Variants in WDR27 observed in about 807,000 individuals in gnomAD.
WDR27 encodes the protein WD repeat domain 27, also known as WD repeat-containing protein 27.
WDR27 carries 100 observed loss-of-function variants against 114.4 expected under a neutral mutation model. The observed-to-expected ratio is 0.87, with a 90% confidence interval of 0.74 to 1.03. The LOEUF (loss-of-function observed/expected upper bound fraction) is 1.03, where lower values mean the gene tolerates loss of function less well. Ranked by LOEUF, WDR27 falls within the 50% of genes least tolerant of loss-of-function variation. The pLI, the probability that WDR27 is intolerant of heterozygous loss-of-function variation, is 0.00. For synonymous variants in WDR27, 449 were observed against 423.1 expected, an observed-to-expected ratio of 1.06 and a Z score of -0.75; for missense variants, 1,129 against 1,092.9, an observed-to-expected ratio of 1.03 and a Z score of -0.47.
chr6:169,544,426 C>CTTTTTTT (rs201281369), intron 25 of WDR27, among the ~76,000 whole-genome samples: 4 of 140,874 alleles, frequency 2.8e-5, no homozygotes, highest in African/African-American at 5.2e-5. Context: ...ATTTCTTTTC[C>CTTTTTTT]TTTTTTTTTT....
At chr6:169,632,055 G>C (rs1479918377) in intron 21 of WDR27, among the ~76,000 whole-genome samples, 1 of 151,958 alleles carries the variant, frequency 6.6e-6, no homozygotes, top group African/African-American at 2.4e-5. Context: ...AGGTGTGGTG[G>C]CTCATGCCTG....
At position 169,612,242 on chromosome 6, in the gene WDR27, AC is replaced by A. The variant is rs576801774; in HGVS notation, c.2321+1316del. 5.4e-3 allele frequency among the ~76,000 whole-genome samples: 820 copies of A among 151,264 alleles called. 3 individuals are homozygous for A. Among genetic ancestry groups the A allele is most frequent in the Non-Finnish European group, 8.5e-3 (575 of 67,902 alleles). ...GTCAGGAGATCGAGACCACGGTGAG[AC>A]CCCATCTCTACTAAAAATATAAAAA... On this transcript the variant is annotated intron_variant, in intron 22 of 25. Coordinates refer to ENST00000448612, the MANE Select transcript of WDR27 (RefSeq NM_182552.5).
rs115160060 is a variant in WDR27, at chr6:169,487,647, C to T, written c.2646-30013G>A. Among the ~76,000 whole-genome samples, 692 of 152,252 alleles carry T rather than the reference C, an allele frequency of 4.5e-3. 7 individuals carry two copies. The highest frequency in any genetic ancestry group is 0.016 in the African/African-American group (656 of 41,540). On this transcript the variant is annotated intron_variant, in intron 25 of 25. Coordinates refer to ENST00000448612, the MANE Select transcript of WDR27 (RefSeq NM_182552.5). Reference sequence around the variant, plus strand: ...TTTCCAATGTATTATTTTGCCTGCACGAATATGGCCAAGATAAGACTTTTT... The same window carrying T: ...TTTCCAATGTATTATTTTGCCTGCATGAATATGGCCAAGATAAGACTTTTT...
At chr6:169,452,703 CAG>C (rs1784206846), downstream of WDR27, among the ~76,000 whole-genome samples, 1 of 152,268 alleles carries the variant, frequency 6.6e-6, no homozygotes, top group Non-Finnish European at 1.5e-5. Flanking sequence ...GACCCAGGAT[CAG>C]CACCACGTTC....
At chr6:169,695,754 A>C (rs908024111) in intron 1 of WDR27, among the ~76,000 whole-genome samples, 1 of 152,214 alleles carries the variant, frequency 6.6e-6, no homozygotes, top group Non-Finnish European at 1.5e-5. Context: ...TGAGGTTACT[A>C]ATCAGATGGG....
intron 25 of WDR27, among the ~76,000 whole-genome samples, chr6:169,509,941 A>AT (rs1792581187): frequency 6.6e-6 from 1 of 152,142 alleles, no homozygotes; most frequent in South Asian, 2.1e-4. Context: ...CAAGAAAGAA[A>AT]CAAACAACCC....
chr6:169,666,798 A>G (rs1452622069), intron 6 of WDR27: 2 of 1,023,022 alleles, frequency 2.0e-6, no homozygotes, highest in Non-Finnish European at 2.3e-6. Context: ...GGCCCTACCA[A>G]CACCGCTGGT....
chr6:169,559,378 ATTAACT>A (rs1799354122), intron 25 of WDR27: 1 of 150,862 alleles, frequency 6.6e-6, no homozygotes, highest in Non-Finnish European at 1.5e-5. Context: ...TAGGCATGAA[ATTAACT>A]TTAATGATGT....
At chr6:169,548,375 A>C (rs1797717418) in intron 25 of WDR27, among the ~76,000 whole-genome samples, 1 of 152,176 alleles carries the variant, frequency 6.6e-6, no homozygotes, top group Non-Finnish European at 1.5e-5. Context: ...ATAAACAATA[A>C]TTTATTGTAT....
At chr6:169,638,802 C>CACTGTGGCGAGGAGAA in intron 17 of WDR27, 142 bp from the exon 18 acceptor site, 1 of 1,002,710 alleles carries the variant, frequency 1.0e-6, no homozygotes, top group Non-Finnish European at 1.4e-6. Context: ...GGCTTCTCCT[C>CACTGTGGCGAGGAGAA]GCCACAGTGA....
intron 23 of WDR27, among the ~76,000 whole-genome samples, chr6:169,596,849 T>C (rs1046052111): frequency 8.5e-5 from 13 of 152,144 alleles, no homozygotes; most frequent in African/African-American, 3.1e-4. Flanking sequence ...TGATCATCAA[T>C]AATCTGTTTT....
At chr6:169,599,584 T>A (rs9477995) in intron 23 of WDR27, among the ~76,000 whole-genome samples, 1 of 152,232 alleles carries the variant, frequency 6.6e-6, no homozygotes, top group South Asian at 2.1e-4. Context: ...GTAGTTTGTA[T>A]TTCTGTGGGA....
chr6:169,473,515 C>A (rs1252024275), intron 25 of WDR27, among the ~76,000 whole-genome samples: 1 of 152,056 alleles, frequency 6.6e-6, no homozygotes, highest in African/African-American at 2.4e-5. Context: ...GAAAACTCTC[C>A]CAATGTCTCT....
rs185237759 is a variant in WDR27 at position 169,611,969 on chromosome 6, C to T, written c.2321+1590G>A. Among the ~76,000 whole-genome samples the T allele has an allele frequency of 9.4e-3, 1,435 of 152,028 alleles. 21 individuals are homozygous for T. Among genetic ancestry groups the T allele is most frequent in the African/African-American group, 0.032 (1,335 of 41,402 alleles). ...AGCCAACATGGTGAAAATGCGTTCTCTACTAAAAATACAAAAATTAGCTGG... is the reference window on the plus strand; with the variant it reads ...AGCCAACATGGTGAAAATGCGTTCTTTACTAAAAATACAAAAATTAGCTGG... On this transcript the variant is annotated intron_variant, in intron 22 of 25. Transcript: ENST00000448612.
intron 12 of WDR27, among the ~76,000 whole-genome samples, 200 bp from the exon 13 acceptor site, chr6:169,658,558 T>G (rs2128258709): frequency 6.6e-6 from 1 of 152,348 alleles, no homozygotes; most frequent in Admixed American, 6.5e-5. Context: ...CGCTGTTTTA[T>G]AATGTACATT....
chr6:169,577,097 AAG>A (rs2128133956), intron 24 of WDR27, among the ~76,000 whole-genome samples: 1 of 151,842 alleles, frequency 6.6e-6, no homozygotes, highest in South Asian at 2.1e-4. Context: ...AAAAAAAAAA[AAG>A]AGTTACGTGG....
At position 169,636,276 on chromosome 6, in the gene WDR27, G is replaced by A; in HGVS notation, c.2003+95C>T. 6 of 1,429,970 alleles carry A rather than the reference G, an allele frequency of 4.2e-6. No homozygotes were observed. In the South Asian group the frequency reaches 5.4e-5, roughly 13 times the overall value. 88.6% of individuals were successfully genotyped at this position (1,429,970 alleles called of 1,614,324 possible). A position where few individuals can be genotyped will look rare whatever the true frequency, so the allele number is the denominator to read the frequency against. On this transcript the variant is annotated intron_variant, in intron 19 of 25. Coordinates refer to ENST00000448612, the MANE Select transcript of WDR27 (RefSeq NM_182552.5). ...TGATATGAGGTCATTATTAAATTTG[G>A]GGCAACATTTTAAAATGTAAATACC...
the WDR27 span, among the ~76,000 whole-genome samples, chr6:169,434,019 T>G: frequency 1.3e-5 from 2 of 152,358 alleles, no homozygotes; most frequent in African/African-American, 4.8e-5. Context: ...TGCAAAAATT[T>G]TCTCCTATCC....
intron 25 of WDR27, among the ~76,000 whole-genome samples, chr6:169,461,536 A>T (rs893592496): frequency 3.9e-5 from 6 of 152,166 alleles, no homozygotes; most frequent in Non-Finnish European, 8.8e-5. Context: ...AGAAATAATA[A>T]GAAAATCAGA....
Sources: allele counts gnomAD v4.1 joint callset (sites outside exome capture counted in the v4.1 genomes callset), GRCh38; gene constraint gnomAD v4.1.1; transcripts MANE v1.5; gene names NCBI Gene and HGNC (gene_info 2026-07-23, HGNC 2026-07-21).